Variants in SRP9 observed in about 807,000 individuals in gnomAD.
SRP9 encodes the protein signal recognition particle 9.
Under a neutral mutation model 11.7 loss-of-function variants are expected in SRP9, and 2 were observed. The observed-to-expected ratio is 0.17, with a 90% CI of 0.07 to 0.54. The LOEUF is 0.54. Ranked by LOEUF, SRP9 falls within the 20% of genes least tolerant of loss-of-function variation. The probability of loss-of-function intolerance (pLI) is 0.94; values close to 1 mark genes in which losing one functional copy is unlikely to be tolerated. For missense variants in SRP9, 54 were observed against 108.1 expected (o/e 0.50, Z 2.22); for synonymous variants, 27 against 35.6 (o/e 0.76, Z 0.86).
At chr1:225,781,486 G>A (rs904757658) in intron 1 of SRP9, among the ~76,000 whole-genome samples, 6 of 134,336 alleles carry the variant, frequency 4.5e-5, no homozygotes, top group East Asian at 2.5e-4. Context: ...TGCAACCTCC[G>A]CCTCCCGAGT....
At chr1:225,784,335 C>G (rs1343730797) in intron 2 of SRP9, among the ~76,000 whole-genome samples, 1 of 140,424 alleles carries the variant, frequency 7.1e-6, no homozygotes, top group Admixed American at 7.8e-5. Flanking sequence ...CAAGCTCTGC[C>G]TCCCGGGTTC....
At chr1:225,778,212 G>A (rs1665721845) in intron 1 of SRP9, among the ~76,000 whole-genome samples, 200 bp downstream of exon 1, 1 of 152,228 alleles carries the variant, frequency 6.6e-6, no homozygotes, top group African/African-American at 2.4e-5. Flanking sequence ...GCTGGCAACA[G>A]CCAGGTTCAT....
intron 1 of SRP9, among the ~76,000 whole-genome samples, chr1:225,781,231 T>C (rs943255722): frequency 3.3e-5 from 5 of 151,968 alleles, no homozygotes; most frequent in Non-Finnish European, 4.4e-5. Context: ...TATCTGTATA[T>C]CCCTTTATAG....
intron 1 of SRP9, among the ~76,000 whole-genome samples, chr1:225,780,441 G>A (rs1043099633): frequency 1.3e-5 from 2 of 151,940 alleles, no homozygotes; most frequent in Non-Finnish European, 1.5e-5. Flanking sequence ...GGGCAGTGGC[G>A]CCATCTTGGC....
intron 1 of SRP9, among the ~76,000 whole-genome samples, chr1:225,781,052 G>C (rs1665784257): frequency 6.6e-6 from 1 of 152,106 alleles, no homozygotes; most frequent in South Asian, 2.1e-4. Flanking sequence ...ATGATCTTCA[G>C]CTCTAGTCTC....
chr1:225,787,270 C>G (rs529856393), intron 2 of SRP9, among the ~76,000 whole-genome samples: 1 of 152,226 alleles, frequency 6.6e-6, no homozygotes, highest in Admixed American at 6.5e-5. Context: ...CGCGGTGGCT[C>G]GTGCTGGTAA....
intron 1 of SRP9, among the ~76,000 whole-genome samples, chr1:225,778,712 G>A (rs575965859): frequency 1.3e-5 from 2 of 152,204 alleles, no homozygotes; most frequent in African/African-American, 2.4e-5. Flanking sequence ...TGGGAGTTTA[G>A]CATTCGGGTC....
In SRP9 at chr1:225,789,316, T is replaced by C. The variant is rs1221405987; in HGVS notation, c.218T>C (p.Met73Thr). ...EKFHSQLMRL[M>T]VAKEARNVTM... ...TTCCACAGTCAACTAATGCGACTTA[T>C]GGTAGCCAAGGAAGCCCGCAATGTT... The change falls in exon 3 of 3, where the codon ATG becomes ACG. Residue 73 changes from methionine to threonine, a missense_variant. Coordinates refer to ENST00000304786, the MANE Select transcript of SRP9 (RefSeq NM_003133.6). 1.9e-6 allele frequency: 3 copies of C among 1,607,274 alleles called. No homozygotes were observed. Among genetic ancestry groups the C allele is most frequent in the Non-Finnish European group, 2.5e-6 (3 of 1,177,704 alleles).
intron 2 of SRP9, among the ~76,000 whole-genome samples, chr1:225,786,204 TTATC>T (rs1665907484): frequency 6.6e-6 from 1 of 152,268 alleles, no homozygotes; most frequent in Non-Finnish European, 1.5e-5. Flanking sequence ...AGACTGCTGC[TTATC>T]TTTCAAAACC....
At chr1:225,779,893 A>G (rs1333386848) in intron 1 of SRP9, among the ~76,000 whole-genome samples, 3 of 152,242 alleles carry the variant, frequency 2.0e-5, no homozygotes, top group East Asian at 3.8e-4. Flanking sequence ...AGACAACAGT[A>G]AAGAATATAT....
intron 2 of SRP9, among the ~76,000 whole-genome samples, chr1:225,784,970 A>G (rs1665875560): frequency 6.6e-6 from 1 of 152,086 alleles, no homozygotes; most frequent in Admixed American, 6.5e-5. Context: ...GAGACAGGAT[A>G]TCGCTATGTT....
intron 2 of SRP9, among the ~76,000 whole-genome samples, chr1:225,784,069 C>T (rs1006248979): frequency 1.3e-5 from 2 of 151,580 alleles, no homozygotes; most frequent in Non-Finnish European, 2.9e-5. Context: ...CTTTTCATAA[C>T]AGCTTCTGGA....
intron 1 of SRP9, among the ~76,000 whole-genome samples, chr1:225,782,944 C>T (rs1384768178): frequency 6.6e-6 from 1 of 152,190 alleles, no homozygotes; most frequent in Non-Finnish European, 1.5e-5. Flanking sequence ...TCCTGTCATT[C>T]CTCTGTGGCT....
chr1:225,778,607 G>A (rs540271497), intron 1 of SRP9, among the ~76,000 whole-genome samples: 9 of 152,310 alleles, frequency 5.9e-5, no homozygotes, highest in African/African-American at 1.7e-4. Context: ...GGGATTCATG[G>A]ACCTCTGAAA....
intron 1 of SRP9, among the ~76,000 whole-genome samples, chr1:225,779,465 T>C (rs898634108): frequency 1.3e-5 from 2 of 152,200 alleles, no homozygotes; most frequent in Non-Finnish European, 2.9e-5. Context: ...ATTTACTGTG[T>C]GAAACTATTG....
chr1:225,789,492 T>A lies in SRP9; in HGVS notation c.*133T>A, dbSNP rs1665985438. The A allele has an allele frequency of 9.2e-7, 1 of 1,087,912 alleles. No homozygotes were observed. The highest frequency in any genetic ancestry group is 1.3e-6 in the Non-Finnish European group (1 of 785,926). 67.4% of individuals were successfully genotyped at this position (1,087,912 alleles called of 1,614,324 possible). A position where few individuals can be genotyped will look rare whatever the true frequency, so the allele number is the denominator to read the frequency against. ...AAGCTTAGAGGTCATTTTTTGTAAT[T>A]TTCTTTTTAATTACTTTAGAGAGCT... On this transcript the variant is annotated 3_prime_UTR_variant, in exon 3 of 3. Coordinates refer to ENST00000304786, the MANE Select transcript of SRP9 (RefSeq NM_003133.6).
chr1:225,783,190 T>A (rs1480913600), intron 1 of SRP9, 110 bp from the exon 2 acceptor site: 1 of 723,850 alleles, frequency 1.4e-6, no homozygotes, highest in Non-Finnish European at 2.3e-6. Context: ...CCTTTAGATG[T>A]TTGGGGGTAT....
intron 2 of SRP9, among the ~76,000 whole-genome samples, chr1:225,785,219 C>T (rs988583366): frequency 4.0e-5 from 6 of 150,948 alleles, no homozygotes; most frequent in African/African-American, 1.2e-4. Flanking sequence ...TACAGCCGTG[C>T]ACCACCACGC....
chr1:225,785,621 C>T (rs935702721), intron 2 of SRP9, among the ~76,000 whole-genome samples: 14 of 151,756 alleles, frequency 9.2e-5, no homozygotes, highest in African/African-American at 3.1e-4. Flanking sequence ...ACCTCGTGAT[C>T]TGCCCGCCTT....
Sources: gnomAD v4.1 joint callset for allele counts (sites outside exome capture counted in the v4.1 genomes callset) on GRCh38, gnomAD v4.1.1 for gene constraint, MANE v1.5 for transcripts, NCBI Gene and HGNC (gene_info 2026-07-23, HGNC 2026-07-21) for gene names.